FAF1: variants seen among roughly 807,000 people sequenced by gnomAD.
FAF1 encodes FAS-associated factor 1.
FAF1 carries 25 observed loss-of-function variants against 92.5 expected under a neutral mutation model. The observed-to-expected ratio is 0.27, with a 90% confidence interval of 0.20 to 0.38. The LOEUF (loss-of-function observed/expected upper bound fraction) is 0.38. Among genes scored for constraint, FAF1 ranks in the 10% least tolerant of loss-of-function variants. FAF1 has a pLI of 1.00. For missense variants in FAF1, 636 were observed against 793.3 expected, an observed-to-expected ratio of 0.80 and a Z score of 2.38; for synonymous variants, 234 against 273.2, an observed-to-expected ratio of 0.86 and a Z score of 1.42.
At chr1:50,931,294 TTTATACTTTCTTATTG>T (rs1362429761) in intron 1 of FAF1, among the ~76,000 whole-genome samples, 1 of 152,238 alleles carries the variant, frequency 6.6e-6, no homozygotes, top group Non-Finnish European at 1.5e-5. Flanking sequence ...ATCTGCATTG[TTTATACTTTCTTATTG>T]TTATACTTTC....
intron 18 of FAF1, among the ~76,000 whole-genome samples, chr1:50,471,865 C>A (rs1646576956): frequency 6.6e-6 from 1 of 150,968 alleles, no homozygotes; most frequent in African/African-American, 2.4e-5. Context: ...AAAGAGTAGG[C>A]AGAAAGAAGA....
At chr1:50,498,954 T>C (rs1646944013) in intron 15 of FAF1, among the ~76,000 whole-genome samples, 1 of 151,982 alleles carries the variant, frequency 6.6e-6, no homozygotes, top group Admixed American at 6.6e-5. Flanking sequence ...TTATTTACAA[T>C]AGCCAAAAGG....
chr1:50,724,661 C>T (rs114656854), intron 6 of FAF1, among the ~76,000 whole-genome samples: 130 of 152,298 alleles, frequency 8.5e-4, no homozygotes, highest in African/African-American at 3.1e-3. Context: ...CCCACTCCCC[C>T]TTCCTCCATT....
chr1:50,948,718 G>T (rs185698339), intron 1 of FAF1, among the ~76,000 whole-genome samples: 1 of 151,944 alleles, frequency 6.6e-6, no homozygotes, highest in Non-Finnish European at 1.5e-5. Flanking sequence ...TAGAGATGGG[G>T]TTTCACCATG....
At chr1:50,468,023 A>G (rs902024452) in intron 18 of FAF1, among the ~76,000 whole-genome samples, 2 of 152,178 alleles carry the variant, frequency 1.3e-5, no homozygotes, top group Admixed American at 6.5e-5. Flanking sequence ...AGTCTGGGCA[A>G]CATGGCAAAA....
chr1:50,734,627 G>A (rs551568323), intron 6 of FAF1, among the ~76,000 whole-genome samples: 2 of 151,916 alleles, frequency 1.3e-5, no homozygotes, highest in South Asian at 4.2e-4. Flanking sequence ...CCAGCTACTC[G>A]GGAGGCTGAG....
At chr1:50,493,969 T>C (rs1036658541) in intron 15 of FAF1, among the ~76,000 whole-genome samples, 1 of 152,232 alleles carries the variant, frequency 6.6e-6, no homozygotes, top group Non-Finnish European at 1.5e-5. Flanking sequence ...TAAAACAGAC[T>C]GTAGGAGATA....
chr1:50,577,440 G>A (rs1185370112), intron 12 of FAF1, among the ~76,000 whole-genome samples: 2 of 152,156 alleles, frequency 1.3e-5, no homozygotes, highest in East Asian at 1.9e-4. Flanking sequence ...CAGGAGAATC[G>A]CTTGAACTCA....
chr1:50,450,671 A>C (rs954679337), intron 18 of FAF1, among the ~76,000 whole-genome samples: 3 of 152,218 alleles, frequency 2.0e-5, no homozygotes, highest in African/African-American at 7.2e-5. Context: ...TTGATGAGCT[A>C]GGAATCCCTA....
chr1:50,576,496 T>A (rs1650740872), intron 12 of FAF1, among the ~76,000 whole-genome samples: 1 of 152,206 alleles, frequency 6.6e-6, no homozygotes, highest in African/African-American at 2.4e-5. Flanking sequence ...AGATTTTTAT[T>A]CCTGTTGATT....
chr1:50,830,624 A>T (rs1644144068), intron 2 of FAF1, among the ~76,000 whole-genome samples: 1 of 151,832 alleles, frequency 6.6e-6, no homozygotes, highest in South Asian at 2.1e-4. Context: ...CAAATAGATT[A>T]GCCAGTGTAT....
rs74396767 is a variant in FAF1, at chr1:50,747,067, C to T, written c.368-2292G>A. Among the ~76,000 whole-genome samples the T allele has an allele frequency of 5.1e-3, 772 of 152,284 alleles. 6 individuals are homozygous for T. Among genetic ancestry groups the T allele is most frequent in the South Asian group, 9.7e-3 (47 of 4,828 alleles). On this transcript the variant is annotated intron_variant, in intron 4 of 18. Transcript: ENST00000396153. ...AAAGCCTGGATGTCCAGGCAGAAGC[C>T]CTCATGGAGAATCTCTACTAGGACA...
At chr1:50,685,118 G>A (rs1374662203) in intron 7 of FAF1, among the ~76,000 whole-genome samples, 1 of 152,206 alleles carries the variant, frequency 6.6e-6, no homozygotes, top group Non-Finnish European at 1.5e-5. Context: ...ATGAGGAGAA[G>A]GGGTAAGGCT....
chr1:50,477,142 A>C (rs1303333375), intron 17 of FAF1, among the ~76,000 whole-genome samples: 1 of 152,228 alleles, frequency 6.6e-6, no homozygotes, highest in African/African-American at 2.4e-5. Context: ...TCTAATACTG[A>C]ACTATTTTTT....
intron 13 of FAF1, among the ~76,000 whole-genome samples, chr1:50,552,014 G>A (rs1360342575): frequency 6.6e-6 from 1 of 152,104 alleles, no homozygotes; most frequent in Non-Finnish European, 1.5e-5. Context: ...AAAACTGCAG[G>A]CCAGGTGCGG....
intron 8 of FAF1, among the ~76,000 whole-genome samples, chr1:50,639,056 T>A (rs1163464746): frequency 6.6e-6 from 1 of 152,208 alleles, no homozygotes; most frequent in Non-Finnish European, 1.5e-5. Flanking sequence ...CCACATTTCA[T>A]AAATGTGGAA....
At chr1:50,584,599 A>G in intron 10 of FAF1, 86 bp downstream of exon 10, 1 of 1,307,156 alleles carries the variant, frequency 7.7e-7, no homozygotes, top group Non-Finnish European at 1.1e-6. Flanking sequence ...GGTCAGTAAG[A>G]GATGTTTAAG....
chr1:50,709,401 C>A (rs748496590), intron 6 of FAF1, among the ~76,000 whole-genome samples: 22 of 152,154 alleles, frequency 1.4e-4, no homozygotes, highest in Non-Finnish European at 2.9e-5. Flanking sequence ...CAGTATATCC[C>A]TTGGAAAGTA....
Position 50,584,733 on chromosome 1 carries a change from C to T in FAF1, c.919G>A (p.Gly307Arg). Residue 307 changes from glycine (G) to arginine (R), a missense_variant, in exon 10 of 19, where the codon GGA becomes AGA. Coordinates refer to ENST00000396153, the MANE Select transcript of FAF1 (RefSeq NM_007051.3). ...GATGACGCCATGCCAAATACTTCTCCATCATCCACCCCAAATTCTGTAGCA... is the reference window on the plus strand; with the variant it reads ...GATGACGCCATGCCAAATACTTCTCTATCATCCACCCCAAATTCTGTAGCA... The part of the protein sequence containing the change: ...EDATEFGVDD[G>R]EVFGMASSAL... 1 of 1,613,680 alleles carries T rather than the reference C, an allele frequency of 6.2e-7. No homozygotes were observed. Among genetic ancestry groups the T allele is most frequent in the Non-Finnish European group, 8.5e-7 (1 of 1,179,696 alleles).
Sources: allele counts gnomAD v4.1 joint callset (sites outside exome capture counted in the v4.1 genomes callset), GRCh38; gene constraint gnomAD v4.1.1; transcripts MANE v1.5; gene names NCBI Gene and HGNC (gene_info 2026-07-23, HGNC 2026-07-21).